Variants in POT1 observed in about 807,000 individuals in gnomAD.
POT1 encodes the protein protection of telomeres protein 1.
In POT1, 47 loss-of-function variants were observed where a neutral mutation model predicts 78.5. That is an observed-to-expected ratio of 0.60 (90% CI 0.47 to 0.76). POT1 has a LOEUF of 0.76. Ranked by LOEUF, POT1 falls within the 30% of genes least tolerant of loss-of-function variation. The probability of loss-of-function intolerance (pLI) is 0.00; values close to 1 mark genes in which losing one functional copy is unlikely to be tolerated. For missense variants in POT1, 646 were observed against 749.9 expected, an observed-to-expected ratio of 0.86 and a Z score of 1.62; for synonymous variants, 259 against 260.7, an observed-to-expected ratio of 0.99 and a Z score of 0.06.
intron 16 of POT1, chr7:124,829,002 T>C (rs765437404): frequency 2.9e-6 from 2 of 688,288 alleles, no homozygotes; most frequent in Admixed American, 1.8e-5. Context: ...TAAAGTGGAA[T>C]GCTTACTGAG....
intron 3 of POT1, among the ~76,000 whole-genome samples, chr7:124,908,604 T>C (rs1433611696): frequency 7.5e-6 from 1 of 133,882 alleles, no homozygotes; most frequent in Non-Finnish European, 1.6e-5. Flanking sequence ...CATTCTACTA[T>C]TCAATATTCA....
rs528200532 is a variant in POT1, at chr7:124,866,524, C to T, written c.256-2884G>A. Among the ~76,000 whole-genome samples, 6 of 152,254 alleles carry T rather than the reference C, an allele frequency of 3.9e-5. No individual in the cohort carries two copies. In the East Asian group the frequency reaches 5.8e-4, roughly 15 times the overall value. ...GCAGCCTGGCTTTCAACCAAGTATT[C>T]GAGCCCACCCCAACCCTGGTGGACT... On this transcript the variant is annotated intron_variant, in intron 7 of 18. Coordinates refer to ENST00000357628, the MANE Select transcript of POT1 (RefSeq NM_015450.3).
intron 11 of POT1, 37 bp downstream of exon 11, chr7:124,851,835 C>A: frequency 1.5e-6 from 2 of 1,346,890 alleles, no homozygotes; most frequent in Non-Finnish European, 2.1e-6. Context: ...TTTTATTTAG[C>A]AAGAACTAAA....
chr7:124,906,494 T>TG (rs1310450867), intron 3 of POT1, among the ~76,000 whole-genome samples: 3 of 74,058 alleles, frequency 4.1e-5, no homozygotes, highest in African/African-American at 1.6e-4. Flanking sequence ...TGTCGTAGGG[T>TG]GGGGGGAGGG....
chr7:124,854,331 T>TA (rs1264147023), intron 9 of POT1, among the ~76,000 whole-genome samples: 1 of 151,842 alleles, frequency 6.6e-6, no homozygotes. Flanking sequence ...GTACACTGAA[T>TA]AATTGGAAAG....
intron 2 of POT1, among the ~76,000 whole-genome samples, chr7:124,927,712 C>G (rs1298705367): frequency 6.6e-6 from 1 of 152,172 alleles, no homozygotes; most frequent in African/African-American, 2.4e-5. Context: ...ATCCACTTGC[C>G]TACTGCACAC....
At chr7:124,916,891 C>A (rs1433617929) in intron 2 of POT1, among the ~76,000 whole-genome samples, 1 of 151,986 alleles carries the variant, frequency 6.6e-6, no homozygotes, top group East Asian at 1.9e-4. Flanking sequence ...AGTTACTGCA[C>A]GAAAGGCTGG....
At chr7:124,829,182 C>T (rs1170280150) in intron 16 of POT1, 72 bp downstream of exon 16, 1 of 1,038,480 alleles carries the variant, frequency 9.6e-7, no homozygotes, top group African/African-American at 1.6e-5. Flanking sequence ...TTCAGGTATA[C>T]TGAAATATAA....
intron 5 of POT1, among the ~76,000 whole-genome samples, chr7:124,893,516 A>C (rs1261512059): frequency 1.3e-5 from 2 of 151,514 alleles, no homozygotes; most frequent in Non-Finnish European, 3.0e-5. Flanking sequence ...AGATAAGAAA[A>C]GAAACAACTT....
At chr7:124,904,405 T>G (rs964999293) in intron 3 of POT1, among the ~76,000 whole-genome samples, 3 of 152,104 alleles carry the variant, frequency 2.0e-5, no homozygotes, top group Non-Finnish European at 4.4e-5. Context: ...CACATGATTA[T>G]CTCAATAGAC....
intron 6 of POT1, among the ~76,000 whole-genome samples, chr7:124,884,154 C>T (rs972477216): frequency 6.6e-6 from 1 of 151,992 alleles, no homozygotes; most frequent in Non-Finnish European, 1.5e-5. Context: ...CATGACATGT[C>T]CTTCTCAGAT....
chr7:124,860,006 G>A (rs67476012), intron 8 of POT1, among the ~76,000 whole-genome samples: 6,749 of 151,992 alleles, frequency 0.044, 380 homozygotes, highest in African/African-American at 0.13. Flanking sequence ...TATTAATATT[G>A]TGCCCAGGTT....
At chr7:124,876,747 T>C (rs891173236) in intron 6 of POT1, among the ~76,000 whole-genome samples, 1 of 96,956 alleles carries the variant, frequency 1.0e-5, no homozygotes. Flanking sequence ...GCAGCACTTG[T>C]GCACTTTTGT....
chr7:124,897,933 G>A (rs116526580), intron 4 of POT1, among the ~76,000 whole-genome samples: 100 of 152,056 alleles, frequency 6.6e-4, no homozygotes, highest in African/African-American at 2.3e-3. Flanking sequence ...CTAAAGAGGG[G>A]TAGTTGATTA....
intron 2 of POT1, among the ~76,000 whole-genome samples, chr7:124,917,979 T>C (rs1421883130): frequency 6.6e-6 from 1 of 152,080 alleles, no homozygotes; most frequent in Non-Finnish European, 1.5e-5. Flanking sequence ...TCCAGGAACC[T>C]CCTTTCCCAA....
intron 17 of POT1, among the ~76,000 whole-genome samples, chr7:124,826,090 A>C (rs1197365865): frequency 6.6e-6 from 1 of 152,178 alleles, no homozygotes; most frequent in African/African-American, 2.4e-5. Context: ...AGTTTGGAGC[A>C]TGTGGTATCA....
chr7:124,897,129 G>A (rs375011459), intron 5 of POT1, 36 bp downstream of exon 5: 15 of 1,361,774 alleles, frequency 1.1e-5, no homozygotes, highest in Middle Eastern at 3.7e-4. Context: ...ACAGGTATAG[G>A]TGTAATACTC....
chr7:124,903,448 C>T (rs1796675874), intron 3 of POT1, among the ~76,000 whole-genome samples: 1 of 152,144 alleles, frequency 6.6e-6, no homozygotes, highest in Non-Finnish European at 1.5e-5. Flanking sequence ...AAAATGAAGG[C>T]AGAAATAAAG....
At chr7:124,839,997 A>T (rs1486530357) in intron 14 of POT1, among the ~76,000 whole-genome samples, 2 of 145,142 alleles carry the variant, frequency 1.4e-5, no homozygotes, top group African/African-American at 5.1e-5. Flanking sequence ...TTAAGACTTC[A>T]TTTTTTTTTT....
Sources: gnomAD v4.1 joint callset for allele counts (sites outside exome capture counted in the v4.1 genomes callset) on GRCh38, gnomAD v4.1.1 for gene constraint, MANE v1.5 for transcripts, NCBI Gene and HGNC (gene_info 2026-07-23, HGNC 2026-07-21) for gene names.